ZKSCAN1: variants seen among roughly 807,000 people sequenced by gnomAD.
ZKSCAN1 encodes zinc finger with KRAB and SCAN domains 1.
In ZKSCAN1, 14 loss-of-function variants were observed where a neutral mutation model predicts 51.6. The ratio of observed to expected loss-of-function variants is 0.27; its 90% CI spans 0.18 to 0.42. The LOEUF is 0.42. ZKSCAN1 is among the 10% of genes least tolerant of loss of function. ZKSCAN1 has a pLI of 1.00. For missense variants in ZKSCAN1, 531 were observed against 710.0 expected (o/e 0.75, Z 2.86); for synonymous variants, 263 against 261.5 (o/e 1.01, Z -0.06).
rs1584351521 is a variant in ZKSCAN1, at chr7:100,035,731, C to T, written c.*1534C>T. 1 of 575,104 alleles carries T rather than the reference C, an allele frequency of 1.7e-6. No homozygotes were observed. 35.6% of individuals were successfully genotyped at this position (575,104 alleles called of 1,614,324 possible). On this transcript the variant is annotated 3_prime_UTR_variant, in exon 6 of 6. Transcript: ENST00000324306. ...ATCGTCATAGTGCACAGTGACTTTT[C>T]TGTTTCTTATCACTAAAGACTGAGG... is the stretch of plus-strand genomic sequence containing the variant.
Position 100,039,742 on chromosome 7 carries a change from C to A in ZKSCAN1, c.*5545C>A. 1 of 985,294 alleles carries A rather than the reference C, an allele frequency of 1.0e-6. No homozygotes were observed. The highest frequency in any genetic ancestry group is 1.2e-6 in the Non-Finnish European group (1 of 829,930). 61.0% of individuals were successfully genotyped at this position (985,294 alleles called of 1,614,324 possible). ...ACAGCAGTACTTCCCAGGGTGGGGG[C>A]CATATTTCTCTGTGTCCTACTCTGA... On this transcript the variant is annotated 3_prime_UTR_variant, in exon 6 of 6. Transcript: ENST00000324306.
Position 100,033,426 on chromosome 7 carries a change from G to C in ZKSCAN1, c.921G>C (p.Gln307His). 6.2e-7 allele frequency: 1 copy of C among 1,614,052 alleles called. No homozygotes were observed. The highest frequency in any genetic ancestry group is 8.5e-7 in the Non-Finnish European group (1 of 1,180,028). ...SQKEFGEKRD[Q>H]EGKTGERQQK... ...AAGAGTTTGGAGAGAAACGTGACCAGGAGGGCAAAACAGGAGAAAGACAGC... is the reference window on the plus strand; with the variant it reads ...AAGAGTTTGGAGAGAAACGTGACCACGAGGGCAAAACAGGAGAAAGACAGC... The change falls in exon 6 of 6, where the codon CAG (glutamine) becomes CAC (histidine). Residue 307 changes from glutamine (Q) to histidine (H), a missense_variant. Physicochemically the swap from Gln to His is conservative, Grantham distance 24 (BLOSUM62 0). This residue lies in a region of ZKSCAN1 where 403 missense variants were observed against 490.5 expected (regional missense o/e 0.82). Coordinates refer to ENST00000324306, the MANE Select transcript of ZKSCAN1 (RefSeq NM_003439.4). The surrounding 1 kb of genome is among the most constrained non-coding windows in gnomAD (Gnocchi z 4.1).
At chr7:100,042,116 C>T (rs967086310), downstream of ZKSCAN1, among the ~76,000 whole-genome samples, 11 of 152,024 alleles carry the variant, frequency 7.2e-5, no homozygotes, top group African/African-American at 2.2e-4. Flanking sequence ...GCCAGGAGTT[C>T]GAAACCAGCC....
At chr7:100,019,710 G>GT (rs1051053727) in intron 1 of ZKSCAN1, among the ~76,000 whole-genome samples, 52 of 150,058 alleles carry the variant, frequency 3.5e-4, no homozygotes, top group South Asian at 8.5e-4. Context: ...TTCTTCTTTT[G>GT]TTTTTTTTTG....
chr7:100,028,784 T>C (rs1790959607), intron 3 of ZKSCAN1, among the ~76,000 whole-genome samples: 1 of 119,138 alleles, frequency 8.4e-6, no homozygotes, highest in Non-Finnish European at 1.7e-5. Flanking sequence ...GAACCATGCA[T>C]ACATCTTATC....
intron 5 of ZKSCAN1, among the ~76,000 whole-genome samples, chr7:100,032,263 A>T (rs1454880110): frequency 6.6e-6 from 1 of 152,206 alleles, no homozygotes; most frequent in African/African-American, 2.4e-5. Flanking sequence ...GATGTTTTAA[A>T]TGTATACATA....
Position 100,033,795 on chromosome 7 carries a change from GA to G in ZKSCAN1, c.1293del (p.Lys431AsnfsTer74). 1 of 1,614,206 alleles carries G rather than the reference GA, an allele frequency of 6.2e-7. No homozygotes were observed. The highest frequency in any genetic ancestry group is 8.5e-7 in the Non-Finnish European group (1 of 1,180,042). On this transcript the variant is annotated frameshift_variant, in exon 6 of 6. Coordinates refer to ENST00000324306, the MANE Select transcript of ZKSCAN1 (RefSeq NM_003439.4). LOFTEE classifies it high-confidence loss of function. The surrounding 1 kb of genome is among the most constrained non-coding windows in gnomAD (Gnocchi z 4.1). ...TGCATCAGAGGATCCACACAGGAGA[GA>G]AACCTCATGAATGTAACGAGTGTGG... is the stretch of plus-strand genomic sequence containing the variant. ...VLHQRIHTGE[K>X]PHECNECGKA...
chr7:100,039,746 AT>A lies in ZKSCAN1; in HGVS notation c.*5552del. 5 of 985,334 alleles carry A rather than the reference AT, an allele frequency of 5.1e-6. No homozygotes were observed. Among genetic ancestry groups the A allele is most frequent in the Non-Finnish European group, 6.0e-6 (5 of 829,936 alleles). 61.0% of individuals were successfully genotyped at this position (985,334 alleles called of 1,614,324 possible). ...CAGTACTTCCCAGGGTGGGGGCCAT[AT>A]TTCTCTGTGTCCTACTCTGAGCAAC... is the stretch of plus-strand genomic sequence containing the variant. On this transcript the variant is annotated 3_prime_UTR_variant, in exon 6 of 6. Transcript: ENST00000324306.
chr7:100,036,827 C>A lies in ZKSCAN1; in HGVS notation c.*2630C>A, dbSNP rs1791382095. On this transcript the variant is annotated 3_prime_UTR_variant, in exon 6 of 6. Transcript: ENST00000324306. Reference sequence around the variant, plus strand: ...AGGACTTTGGTCATGTTTACATTGGCCTTTGGTTTTTTTTTTTCTTTCAGC... The same window carrying A: ...AGGACTTTGGTCATGTTTACATTGGACTTTGGTTTTTTTTTTTCTTTCAGC... 2 of 948,228 alleles carry A rather than the reference C, an allele frequency of 2.1e-6. No homozygotes were observed. Among genetic ancestry groups the A allele is most frequent in the South Asian group, 5.2e-5 (1 of 19,292 alleles). The allele number at this position is 948,228 out of a possible 1,614,324, so 58.7% of individuals were successfully genotyped here.
chr7:100,034,953 T>TCCAC lies in ZKSCAN1; in HGVS notation c.*756_*757insCCAC, dbSNP rs1791285998. The stretch of plus-strand genomic sequence containing the variant: ...AATCCCTAAAGCACTATCGCACTCC[T>TCCAC]AAATGCATTTCTCCACAAGTTAGCA... On this transcript the variant is annotated 3_prime_UTR_variant, in exon 6 of 6. Transcript: ENST00000324306. 2 of 152,674 alleles carry TCCAC rather than the reference T, an allele frequency of 1.3e-5. No individual in the cohort carries two copies. The highest frequency in any genetic ancestry group is 4.8e-5 in the African/African-American group (2 of 41,462). 9.5% of individuals were successfully genotyped at this position (152,674 alleles called of 1,614,324 possible). A position where few individuals can be genotyped will look rare whatever the true frequency, so the allele number is the denominator to read the frequency against.
In ZKSCAN1 at chr7:100,041,678, C is replaced by T. The variant is rs1181935257; in HGVS notation, c.*7481C>T. On this transcript the variant is annotated 3_prime_UTR_variant, in exon 6 of 6. Transcript: ENST00000324306. ...TCATGGTAAAACAATAAATTATCAT[C>T]TCTAGGTGGCAGTGCTTGTGCTGGT... The T allele has an allele frequency of 5.1e-6, 5 of 985,196 alleles. No individual in the cohort carries two copies. In the African/African-American group the frequency reaches 7.0e-5, roughly 14 times the overall value. The allele number at this position is 985,196 out of a possible 1,614,324, so 61.0% of individuals were successfully genotyped here.
chr7:100,037,324 C>A lies in ZKSCAN1; in HGVS notation c.*3127C>A. The stretch of plus-strand genomic sequence containing the variant: ...CCTTGCCAGGAAGAGAAGTAAAATC[C>A]TCAGGTTGTGGGGTATTTGTTTCTA... On this transcript the variant is annotated 3_prime_UTR_variant, in exon 6 of 6. Coordinates refer to ENST00000324306, the MANE Select transcript of ZKSCAN1 (RefSeq NM_003439.4). The A allele has an allele frequency of 1.0e-6, 1 of 985,372 alleles. No homozygotes were observed. Among genetic ancestry groups the A allele is most frequent in the Non-Finnish European group, 1.2e-6 (1 of 829,914 alleles). 61.0% of individuals were successfully genotyped at this position (985,372 alleles called of 1,614,324 possible).
chr7:100,023,424 G>T lies in ZKSCAN1; in HGVS notation c.-83G>T. ...ACTTTTTTTTTATACTTCAGGAATA[G>T]TAAAGAAACACATCATAAAACCTCC... On this transcript the variant is annotated 5_prime_UTR_variant, in exon 2 of 6. Coordinates refer to ENST00000324306, the MANE Select transcript of ZKSCAN1 (RefSeq NM_003439.4). The T allele has an allele frequency of 6.9e-7, 1 of 1,453,506 alleles. No individual in the cohort carries two copies. The allele number at this position is 1,453,506 out of a possible 1,614,324, so 90.0% of individuals were successfully genotyped here. A position where few individuals can be genotyped will look rare whatever the true frequency, so the allele number is the denominator to read the frequency against.
Position 100,033,405 on chromosome 7 carries a change from G to A in ZKSCAN1, c.900G>A (p.Glu300=). 2 of 1,614,134 alleles carry A rather than the reference G, an allele frequency of 1.2e-6. No individual in the cohort carries two copies. The highest frequency in any genetic ancestry group is 1.7e-6 in the Non-Finnish European group (2 of 1,180,024). Residue 300 remains glutamate (E), a synonymous_variant, in exon 6 of 6, where the codon GAG becomes GAA. Coordinates refer to ENST00000324306, the MANE Select transcript of ZKSCAN1 (RefSeq NM_003439.4). This position sits in a 1 kb window ranked among gnomAD's most constrained non-coding sequence, Gnocchi z 4.1. The stretch of plus-strand genomic sequence containing the variant: ...AGACAACAGGAAGATCCCAGAAAGA[G>A]TTTGGAGAGAAACGTGACCAGGAGG... The part of the protein sequence containing the change: ...RGETTGRSQK[E]FGEKRDQEGK...
At position 100,038,396 on chromosome 7, in the gene ZKSCAN1, T is replaced by G; in HGVS notation, c.*4199T>G. On this transcript the variant is annotated 3_prime_UTR_variant, in exon 6 of 6. Transcript: ENST00000324306. Reference sequence around the variant, plus strand: ...GGAAGGGAAAAGCTTCATAGTTTGGTGCTTATCACATCAAGAGATTGGTAA... The same window carrying G: ...GGAAGGGAAAAGCTTCATAGTTTGGGGCTTATCACATCAAGAGATTGGTAA... The G allele has an allele frequency of 3.0e-6, 3 of 985,414 alleles. No homozygotes were observed. Among genetic ancestry groups the G allele is most frequent in the Non-Finnish European group, 3.6e-6 (3 of 829,932 alleles). 61.0% of individuals were successfully genotyped at this position (985,414 alleles called of 1,614,324 possible).
intron 3 of ZKSCAN1, among the ~76,000 whole-genome samples, chr7:100,026,070 A>C (rs1790819688): frequency 6.6e-6 from 1 of 152,024 alleles, no homozygotes. Context: ...AAAATACAAA[A>C]TTAGCCAGGC....
At chr7:100,028,571 C>CA (rs1241064725) in intron 3 of ZKSCAN1, among the ~76,000 whole-genome samples, 3 of 152,058 alleles carry the variant, frequency 2.0e-5, no homozygotes, top group Non-Finnish European at 4.4e-5. Context: ...ATTCATTTCT[C>CA]AAATATCCTT....
downstream of ZKSCAN1, among the ~76,000 whole-genome samples, chr7:100,042,059 C>G (rs751250344): frequency 4.6e-5 from 7 of 152,192 alleles, no homozygotes; most frequent in Non-Finnish European, 1.0e-4. Flanking sequence ...TGGCTTATGC[C>G]TGTAATCCCT....
At chr7:100,026,260 A>G (rs1000484670) in intron 3 of ZKSCAN1, among the ~76,000 whole-genome samples, 1 of 143,408 alleles carries the variant, frequency 7.0e-6, no homozygotes, top group Non-Finnish European at 1.5e-5. Flanking sequence ...AAAAAAGTAC[A>G]CCTGTATGGA....
Sources: gnomAD v4.1 joint callset for allele counts (sites outside exome capture counted in the v4.1 genomes callset) on GRCh38, gnomAD v4.1.1 for gene constraint, gnomAD v4.1.1 regional missense constraint, Gnocchi (gnomAD v3.1) non-coding constraint, MANE v1.5 for transcripts, NCBI Gene and HGNC (gene_info 2026-07-23, HGNC 2026-07-21) for gene names.